Variants in NDUFAF2 observed in about 807,000 individuals in gnomAD.
NDUFAF2 encodes NADH dehydrogenase [ubiquinone] 1 alpha subcomplex assembly factor 2.
In NDUFAF2, 13 loss-of-function variants were observed where a neutral mutation model predicts 22.8. That is an observed-to-expected ratio of 0.57 (90% CI 0.37 to 0.91). NDUFAF2 has a LOEUF of 0.91. Ranked by LOEUF, NDUFAF2 falls within the 40% of genes least tolerant of loss-of-function variation. The pLI is 0.01. For synonymous variants in NDUFAF2, 53 were observed against 64.2 expected, an observed-to-expected ratio of 0.83 and a Z score of 0.84; for missense variants, 162 against 195.2, an observed-to-expected ratio of 0.83 and a Z score of 1.01.
At chr5:61,141,237 AAAATT>A (rs915038119) in intron 3 of NDUFAF2, among the ~76,000 whole-genome samples, 39 of 152,156 alleles carry the variant, frequency 2.6e-4, no homozygotes, top group Middle Eastern at 3.4e-3. Flanking sequence ...CAAAAAAAAA[AAAATT>A]AATTAATAAT....
intron 1 of NDUFAF2, among the ~76,000 whole-genome samples, chr5:60,971,288 T>TC (rs1483569188): frequency 6.7e-6 from 1 of 149,292 alleles, no homozygotes; most frequent in Non-Finnish European, 1.5e-5. Context: ...CTTTCTTTCT[T>TC]TTTTTTTTTT....
intron 1 of NDUFAF2, among the ~76,000 whole-genome samples, chr5:61,052,036 C>G (rs1752030731): frequency 6.6e-6 from 1 of 152,062 alleles, no homozygotes; most frequent in African/African-American, 2.4e-5. Context: ...CTTTATTTTG[C>G]TTTCATTCGA....
chr5:61,054,306 G>T (rs1411285198), intron 1 of NDUFAF2, among the ~76,000 whole-genome samples: 2 of 152,132 alleles, frequency 1.3e-5, no homozygotes, highest in African/African-American at 4.8e-5. Flanking sequence ...TGTAGTTTTT[G>T]AATTAGGAAA....
intron 1 of NDUFAF2, among the ~76,000 whole-genome samples, chr5:60,978,249 C>T (rs1004776141): frequency 2.0e-5 from 3 of 147,176 alleles, no homozygotes; most frequent in African/African-American, 7.3e-5. Context: ...TGAGTTGTGG[C>T]AAGCCTTGAT....
intron 1 of NDUFAF2, among the ~76,000 whole-genome samples, chr5:60,985,802 C>T (rs1751065955): frequency 6.6e-6 from 1 of 152,142 alleles, no homozygotes; most frequent in South Asian, 2.1e-4. Flanking sequence ...GAAGGACCCG[C>T]CCCTATAATT....
chr5:61,115,185 C>G (rs1561569626), intron 3 of NDUFAF2: 1 of 152,418 alleles, frequency 6.6e-6, no homozygotes, highest in Non-Finnish European at 1.5e-5. Context: ...TCCCCATGGC[C>G]ACCACCACCC....
chr5:61,084,068 T>G (rs1752476843), intron 2 of NDUFAF2, among the ~76,000 whole-genome samples: 1 of 151,702 alleles, frequency 6.6e-6, no homozygotes, highest in African/African-American at 2.4e-5. Context: ...AAGCATTCAG[T>G]TTTTCACTGT....
rs536118854 is a variant in NDUFAF2 at position 61,111,126 on chromosome 5, A to T, written c.258+12094A>T. Among the ~76,000 whole-genome samples the T allele has an allele frequency of 2.6e-5, 4 of 152,276 alleles. No homozygotes were observed. The South Asian group carries it at 8.3e-4, about 32-fold the overall frequency. Reference sequence around the variant, plus strand: ...TCCATGTGTTTGTATAGTTTCCAAAATTCCTCTAGCTATTGATTTCTAGTT... The same window carrying T: ...TCCATGTGTTTGTATAGTTTCCAAATTTCCTCTAGCTATTGATTTCTAGTT... On this transcript the variant is annotated intron_variant, in intron 3 of 3. Coordinates refer to ENST00000296597, the MANE Select transcript of NDUFAF2 (RefSeq NM_174889.5).
At chr5:61,109,717 A>T (rs1004419893) in intron 3 of NDUFAF2, among the ~76,000 whole-genome samples, 2 of 152,024 alleles carry the variant, frequency 1.3e-5, no homozygotes, top group African/African-American at 4.8e-5. Flanking sequence ...ATGAGATCTG[A>T]TGGTTTTATA....
At chr5:61,073,407 T>A (rs948352623) in intron 2 of NDUFAF2, among the ~76,000 whole-genome samples, 193 bp downstream of exon 2, 10 of 152,236 alleles carry the variant, frequency 6.6e-5, no homozygotes, top group Non-Finnish European at 1.2e-4. Flanking sequence ...AGTAAGCAGA[T>A]GCATGTATAG....
chr5:60,961,901 C>T (rs996147483), intron 1 of NDUFAF2, among the ~76,000 whole-genome samples: 2 of 151,316 alleles, frequency 1.3e-5, no homozygotes, highest in Admixed American at 6.6e-5. Context: ...TTTGAGGTTA[C>T]AGTTAACTAT....
intron 1 of NDUFAF2, among the ~76,000 whole-genome samples, chr5:61,040,530 C>T (rs1484130274): frequency 1.3e-5 from 2 of 152,020 alleles, no homozygotes; most frequent in Non-Finnish European, 2.9e-5. Context: ...AGTCAGTATT[C>T]CTGAACATTC....
intron 1 of NDUFAF2, among the ~76,000 whole-genome samples, chr5:60,983,069 C>T (rs1241835749): frequency 1.3e-5 from 2 of 150,788 alleles, no homozygotes; most frequent in African/African-American, 4.9e-5. Flanking sequence ...CTGTTGTTTC[C>T]TGATTTTTTA....
intron 3 of NDUFAF2, among the ~76,000 whole-genome samples, chr5:61,099,672 A>G (rs1752683276): frequency 6.6e-6 from 1 of 151,886 alleles, no homozygotes; most frequent in Non-Finnish European, 1.5e-5. Flanking sequence ...TTTAATTTTA[A>G]AAATATGTAA....
At chr5:61,067,470 C>G (rs1186014135) in intron 1 of NDUFAF2, among the ~76,000 whole-genome samples, 1 of 151,988 alleles carries the variant, frequency 6.6e-6, no homozygotes, top group African/African-American at 2.4e-5. Context: ...TCATCCATGT[C>G]CCTACAAAGG....
chr5:61,054,123 C>T (rs532874703), intron 1 of NDUFAF2, among the ~76,000 whole-genome samples: 1 of 151,908 alleles, frequency 6.6e-6, no homozygotes, highest in South Asian at 2.1e-4. Flanking sequence ...ATTTTTAGAG[C>T]CCAGGAGTTC....
chr5:60,959,460 G>A (rs1750656681), intron 1 of NDUFAF2, among the ~76,000 whole-genome samples: 1 of 151,886 alleles, frequency 6.6e-6, no homozygotes, highest in Admixed American at 6.6e-5. Flanking sequence ...AATCAGTAAT[G>A]CACAATGATA....
intron 1 of NDUFAF2, among the ~76,000 whole-genome samples, chr5:60,982,416 T>C (rs991892440): frequency 3.3e-5 from 5 of 152,080 alleles, no homozygotes; most frequent in Non-Finnish European, 5.9e-5. Context: ...TTTTTTGTTA[T>C]ACTTTAAGTT....
At chr5:61,051,193 C>T (rs932580809) in intron 1 of NDUFAF2, among the ~76,000 whole-genome samples, 1 of 152,138 alleles carries the variant, frequency 6.6e-6, no homozygotes, top group South Asian at 2.1e-4. Context: ...CATTAGCCTC[C>T]TCTTTTGCCC....
Sources: allele counts gnomAD v4.1 joint callset (sites outside exome capture counted in the v4.1 genomes callset), GRCh38; gene constraint gnomAD v4.1.1; transcripts MANE v1.5; gene names NCBI Gene and HGNC (gene_info 2026-07-23, HGNC 2026-07-21).